VEGFC: variants seen among roughly 807,000 people sequenced by gnomAD.
The protein encoded by VEGFC is vascular endothelial growth factor C, also known as FLT4 ligand DHM.
Under a neutral mutation model 46.1 loss-of-function variants are expected in VEGFC, and 12 were observed. The ratio of observed to expected loss-of-function variants is 0.26; its 90% CI spans 0.17 to 0.42. The LOEUF (loss-of-function observed/expected upper bound fraction) is 0.42. VEGFC is among the 10% of genes least tolerant of loss of function. The pLI is 1.00. For missense variants in VEGFC, 488 were observed against 529.4 expected, an observed-to-expected ratio of 0.92 and a Z score of 0.77; for synonymous variants, 232 against 195.5, an observed-to-expected ratio of 1.19 and a Z score of -1.56.
intron 1 of VEGFC, among the ~76,000 whole-genome samples, chr4:176,767,123 T>TAACAAAA (rs1735640236): frequency 2.0e-5 from 1 of 50,482 alleles, no homozygotes; most frequent in Non-Finnish European, 3.5e-5. Flanking sequence ...TGTAGAAATC[T>TAACAAAA]AAAAAAAAAA....
At chr4:176,785,434 C>T (rs1389647791) in intron 1 of VEGFC, among the ~76,000 whole-genome samples, 1 of 152,100 alleles carries the variant, frequency 6.6e-6, no homozygotes, top group Non-Finnish European at 1.5e-5. Context: ...TGTCCTTTCT[C>T]TAGTAGGTGG....
At chr4:176,763,859 T>A (rs1735572484) in intron 1 of VEGFC, among the ~76,000 whole-genome samples, 2 of 152,176 alleles carry the variant, frequency 1.3e-5, no homozygotes, top group Non-Finnish European at 2.9e-5. Flanking sequence ...AAGGTCTTTT[T>A]TTTTCTGATT....
intron 6 of VEGFC, 62 bp downstream of exon 6, chr4:176,687,125 G>C: frequency 6.6e-7 from 1 of 1,516,480 alleles, no homozygotes; most frequent in Non-Finnish European, 8.9e-7. Context: ...TAAGAAAACT[G>C]CTTTTGGTTT....
Position 176,792,223 on chromosome 4 carries a change from G to A in VEGFC, c.89C>T (p.Ala30Val), listed in dbSNP as rs776316123. 2 of 1,560,898 alleles carry A rather than the reference G, an allele frequency of 1.3e-6. No individual in the cohort carries two copies. Among genetic ancestry groups the A allele is most frequent in the Non-Finnish European group, 1.7e-6 (2 of 1,156,264 alleles). Residue 30 changes from alanine (A) to valine (V), a missense_variant, in exon 1 of 7, where the codon GCC (alanine) becomes GTC (valine). Coordinates refer to ENST00000618562, the MANE Select transcript of VEGFC (RefSeq NM_005429.5). This position sits in a 1 kb window ranked among gnomAD's most constrained non-coding sequence, Gnocchi z 6.3. ...GAGGTCGAGTCCGGACTCGAAGGCG[G>A]CGGCGGCGGCGGGCGCCTCGCGAGG... The part of the protein sequence containing the change: ...PGPREAPAAA[A>V]AFESGLDLSD...
chr4:176,684,258 T>A (rs1733997776), intron 6 of VEGFC, among the ~76,000 whole-genome samples: 1 of 152,246 alleles, frequency 6.6e-6, no homozygotes, highest in South Asian at 2.1e-4. Context: ...CTTGCTGATA[T>A]AACAAATGGA....
At chr4:176,694,249 G>C (rs1312492807) in intron 4 of VEGFC, among the ~76,000 whole-genome samples, 1 of 150,444 alleles carries the variant, frequency 6.6e-6, no homozygotes, top group South Asian at 2.1e-4. Flanking sequence ...CACGTGCAGA[G>C]ACACACATAG....
intron 3 of VEGFC, among the ~76,000 whole-genome samples, chr4:176,724,724 C>G (rs1734843933): frequency 6.6e-6 from 1 of 152,114 alleles, no homozygotes; most frequent in Non-Finnish European, 1.5e-5. Context: ...TGGAGAAAGT[C>G]TAGAGCACTG....
chr4:176,728,068 C>T (rs951851840), intron 2 of VEGFC, 100 bp from the exon 3 acceptor site: 3 of 958,574 alleles, frequency 3.1e-6, no homozygotes, highest in Non-Finnish European at 3.0e-6. Context: ...CAGATTTTAA[C>T]ATTTAAGTTC....
At chr4:176,714,871 C>T (rs754401322) in intron 3 of VEGFC, among the ~76,000 whole-genome samples, 2 of 152,194 alleles carry the variant, frequency 1.3e-5, no homozygotes, top group African/African-American at 2.4e-5. Flanking sequence ...TGAAGAATAG[C>T]TAATTCACAT....
At chr4:176,777,392 A>C (rs1236026438) in intron 1 of VEGFC, among the ~76,000 whole-genome samples, 2 of 152,202 alleles carry the variant, frequency 1.3e-5, no homozygotes, top group African/African-American at 4.8e-5. Flanking sequence ...GCTTCAGTCT[A>C]AGTTCTTGTC....
Position 176,697,695 on chromosome 4 carries a change from T to C in VEGFC, c.705-9768A>G, listed in dbSNP as rs866366085. Among the ~76,000 whole-genome samples, 6 of 151,776 alleles carry C rather than the reference T, an allele frequency of 4.0e-5. No individual in the cohort carries two copies. The South Asian group carries it at 6.3e-4, about 16-fold the overall frequency. Reference sequence around the variant, plus strand: ...AAAGACACATGCACACGTATGTTTATTGCGGCATTATTCACGATAGCAAAG... The same window carrying C: ...AAAGACACATGCACACGTATGTTTACTGCGGCATTATTCACGATAGCAAAG... On this transcript the variant is annotated intron_variant, in intron 4 of 6. Coordinates refer to ENST00000618562, the MANE Select transcript of VEGFC (RefSeq NM_005429.5).
intron 1 of VEGFC, among the ~76,000 whole-genome samples, chr4:176,731,605 T>C (rs1734965773): frequency 6.6e-6 from 1 of 151,868 alleles, no homozygotes; most frequent in African/African-American, 2.4e-5. Context: ...AATAGGGACC[T>C]GTGTGTGATT....
intron 4 of VEGFC, among the ~76,000 whole-genome samples, chr4:176,692,835 C>G (rs965665314): frequency 6.8e-6 from 1 of 146,684 alleles, no homozygotes; most frequent in African/African-American, 2.6e-5. Context: ...CCCCGAGCAG[C>G]CTAACTGGGA....
intron 1 of VEGFC, among the ~76,000 whole-genome samples, chr4:176,784,074 T>TTTTG (rs1735959864): frequency 1.3e-5 from 2 of 150,000 alleles, no homozygotes; most frequent in Non-Finnish European, 3.0e-5. Context: ...TTTTTTTTTT[T>TTTTG]TTTTTTTTGA....
rs536225881 is a variant in VEGFC at position 176,716,111 on chromosome 4, TTTAG to T, written c.553-4465_553-4462del. Among the ~76,000 whole-genome samples, 28 of 152,342 alleles carry T rather than the reference TTTAG, an allele frequency of 1.8e-4. No individual in the cohort carries two copies. In the South Asian group the frequency reaches 4.3e-3, roughly 24 times the overall value. ...TTATCATCATTCACATCAGCCAAGA[TTTAG>T]TTAAATTTTTGTTAAAGAAATTCTA... is the stretch of plus-strand genomic sequence containing the variant. On this transcript the variant is annotated intron_variant, in intron 3 of 6. Coordinates refer to ENST00000618562, the MANE Select transcript of VEGFC (RefSeq NM_005429.5).
At chr4:176,741,165 A>G (rs1290283139) in intron 1 of VEGFC, among the ~76,000 whole-genome samples, 1 of 151,994 alleles carries the variant, frequency 6.6e-6, no homozygotes, top group Non-Finnish European at 1.5e-5. Context: ...AGTAGATCGG[A>G]AAGTTATACA....
rs1050663584 is a variant in VEGFC at position 176,792,446 on chromosome 4, C to G, written c.-135G>C. On this transcript the variant is annotated 5_prime_UTR_variant, in exon 1 of 7. Coordinates refer to ENST00000618562, the MANE Select transcript of VEGFC (RefSeq NM_005429.5). The surrounding 1 kb of genome is among the most constrained non-coding windows in gnomAD (Gnocchi z 6.3). The stretch of plus-strand genomic sequence containing the variant: ...TCCCGGCGACCCCCCCTGGGCGAGC[C>G]GGAGGCGGCGGGAGCGGGTCCGGGG... The G allele has an allele frequency of 2.4e-5, 15 of 623,178 alleles. No individual in the cohort carries two copies. Among genetic ancestry groups the G allele is most frequent in the Non-Finnish European group, 3.4e-5 (14 of 416,470 alleles). 38.6% of individuals were successfully genotyped at this position (623,178 alleles called of 1,614,324 possible). A position where few individuals can be genotyped will look rare whatever the true frequency, so the allele number is the denominator to read the frequency against.
At chr4:176,776,628 A>G (rs1735817700) in intron 1 of VEGFC, among the ~76,000 whole-genome samples, 1 of 152,216 alleles carries the variant, frequency 6.6e-6, no homozygotes, top group African/African-American at 2.4e-5. Flanking sequence ...ACCAAAGCCA[A>G]AGAGAGAGAA....
At chr4:176,776,376 T>C (rs1735813357) in intron 1 of VEGFC, among the ~76,000 whole-genome samples, 1 of 152,194 alleles carries the variant, frequency 6.6e-6, no homozygotes, top group African/African-American at 2.4e-5. Context: ...CGCTGGGAAG[T>C]GAGTTGAATT....
Sources: allele counts gnomAD v4.1 joint callset (sites outside exome capture counted in the v4.1 genomes callset), GRCh38; gene constraint gnomAD v4.1.1; non-coding constraint Gnocchi (gnomAD v3.1); transcripts MANE v1.5; gene names NCBI Gene and HGNC (gene_info 2026-07-23, HGNC 2026-07-21).